Variants in BCL2 observed in about 807,000 individuals in gnomAD.
BCL2 encodes BCL2 apoptosis regulator.
In BCL2, 1 loss-of-function variant was observed where a neutral mutation model predicts 14.2. That is an observed-to-expected ratio of 0.07 (90% confidence interval 0.02 to 0.33). The LOEUF (loss-of-function observed/expected upper bound fraction) is 0.33. Among genes scored for constraint, BCL2 ranks in the 10% least tolerant of loss-of-function variants. The pLI is 0.99. For synonymous variants in BCL2, 151 were observed against 137.2 expected (o/e 1.10, Z -0.70); for missense variants, 247 against 305.9 (o/e 0.81, Z 1.44).
At chr18:63,134,358 G>A (rs928608907) in intron 2 of BCL2, among the ~76,000 whole-genome samples, 1 of 152,178 alleles carries the variant, frequency 6.6e-6, no homozygotes, top group Non-Finnish European at 1.5e-5. Context: ...ATGATGTCTA[G>A]TAGTGGGGAG....
intron 2 of BCL2, among the ~76,000 whole-genome samples, chr18:63,192,671 G>A (rs982165871): frequency 6.6e-5 from 10 of 152,192 alleles, no homozygotes; most frequent in South Asian, 2.1e-4. Context: ...GGGATACCAC[G>A]GCCACAGCAC....
chr18:63,249,709 C>CAAAA (rs11285614), intron 2 of BCL2, among the ~76,000 whole-genome samples: 26 of 52,902 alleles, frequency 4.9e-4, no homozygotes, highest in African/African-American at 1.3e-3. Context: ...GACTCCGCCT[C>CAAAA]AAAAAAAAAA....
intron 2 of BCL2, among the ~76,000 whole-genome samples, chr18:63,286,876 T>G (rs189229717): frequency 1.6e-4 from 25 of 152,228 alleles, no homozygotes; most frequent in Admixed American, 3.9e-4. Flanking sequence ...GATCTGGGTC[T>G]CCTGGGTCCC....
intron 2 of BCL2, among the ~76,000 whole-genome samples, chr18:63,312,239 C>T (rs1356210549): frequency 4.6e-5 from 7 of 152,176 alleles, no homozygotes; most frequent in Admixed American, 3.9e-4. Flanking sequence ...AGGAGCTACA[C>T]CTGAGAGGTC....
intron 2 of BCL2, among the ~76,000 whole-genome samples, chr18:63,295,685 C>G (rs1432697037): frequency 6.6e-6 from 1 of 152,088 alleles, no homozygotes; most frequent in African/African-American, 2.4e-5. Context: ...ACAGCTCTCA[C>G]CCATATCCAC....
chr18:63,175,522 A>T (rs368579506), intron 2 of BCL2, among the ~76,000 whole-genome samples: 8 of 152,226 alleles, frequency 5.3e-5, no homozygotes, highest in African/African-American at 1.9e-4. Flanking sequence ...CTGTTAGTTC[A>T]TGTAAGGTCC....
chr18:63,195,071 C>T lies in BCL2; in HGVS notation c.586-66312G>A, dbSNP rs576507722. On this transcript the variant is annotated intron_variant, in intron 2 of 2. Transcript: ENST00000333681. ...AGTCACATGGAGGGGGCATACCCAA[C>T]ATCACAGTGGATGGAAATCGACCAG... 7.9e-5 allele frequency among the ~76,000 whole-genome samples: 12 copies of T among 152,318 alleles called. No individual in the cohort carries two copies. The East Asian group carries it at 2.3e-3, about 29-fold the overall frequency.
chr18:63,141,677 G>A (rs986004305), intron 2 of BCL2, among the ~76,000 whole-genome samples: 5 of 152,222 alleles, frequency 3.3e-5, no homozygotes, highest in African/African-American at 7.2e-5. Context: ...GCAGACTGGC[G>A]TTTGGAATAG....
intron 2 of BCL2, among the ~76,000 whole-genome samples, chr18:63,236,374 G>T (rs1354737437): frequency 6.6e-6 from 1 of 150,814 alleles, no homozygotes; most frequent in African/African-American, 2.4e-5. Context: ...ATGATCATTT[G>T]ACAGATAATA....
intron 2 of BCL2, among the ~76,000 whole-genome samples, chr18:63,201,381 A>C (rs747046769): frequency 2.0e-5 from 3 of 152,202 alleles, no homozygotes; most frequent in Non-Finnish European, 4.4e-5. Flanking sequence ...CCCCTAATAG[A>C]AAGTACCTTG....
intron 2 of BCL2, among the ~76,000 whole-genome samples, chr18:63,166,097 TG>T (rs1267370507): frequency 6.6e-6 from 1 of 152,218 alleles, no homozygotes; most frequent in East Asian, 1.9e-4. Context: ...GACCAGCTGC[TG>T]GCTGGCTTCC....
intron 2 of BCL2, among the ~76,000 whole-genome samples, chr18:63,143,767 A>T (rs1026871826): frequency 6.6e-6 from 1 of 152,252 alleles, no homozygotes; most frequent in African/African-American, 2.4e-5. Flanking sequence ...CATGTGTAGC[A>T]CTGGCAGAAC....
rs1568222661 is a variant in BCL2, at chr18:63,169,365, CTT to C, written c.586-40608_586-40607del. 5.7e-5 allele frequency among the ~76,000 whole-genome samples: 3 copies of C among 52,528 alleles called. 1 individual carries two copies. Among genetic ancestry groups the C allele is most frequent in the Non-Finnish European group, 1.1e-4 (3 of 28,390 alleles). The allele number at this position is 52,528 out of a possible 152,430, so 34.5% of individuals were successfully genotyped here. ...TCTTTCTTTCTTTCTTTCTTTCTTT[CTT>C]TCTCTTTCTTTCTTTCTTTCTTTTT... On this transcript the variant is annotated intron_variant, in intron 2 of 2. Transcript: ENST00000333681.
rs116616724 is a variant in BCL2, at chr18:63,128,260, C to A, written c.*365G>T. The A allele has an allele frequency of 1.3e-4, 32 of 238,384 alleles. No individual in the cohort carries two copies. Among genetic ancestry groups the A allele is most frequent in the African/African-American group, 6.4e-4 (29 of 45,570 alleles). 14.8% of individuals were successfully genotyped at this position (238,384 alleles called of 1,614,324 possible). Reference sequence around the variant, plus strand: ...CCGGCCAACAACATGGAAAGCGAATCTATGTTTACAGGCACAGAACATCCA... The same window carrying A: ...CCGGCCAACAACATGGAAAGCGAATATATGTTTACAGGCACAGAACATCCA... On this transcript the variant is annotated 3_prime_UTR_variant, in exon 3 of 3. Transcript: ENST00000333681.
At chr18:63,191,153 C>A (rs1909281521) in intron 2 of BCL2, among the ~76,000 whole-genome samples, 1 of 152,194 alleles carries the variant, frequency 6.6e-6, no homozygotes, top group South Asian at 2.1e-4. Flanking sequence ...AATAGTACTG[C>A]AATAAACATA....
intron 2 of BCL2, among the ~76,000 whole-genome samples, chr18:63,177,880 C>A (rs1915387279): frequency 6.6e-6 from 1 of 152,146 alleles, no homozygotes. Flanking sequence ...CTCTCCGCAT[C>A]TCCAGAAAGT....
In BCL2 at chr18:63,209,733, G is replaced by A. The variant is rs971514612; in HGVS notation, c.586-80974C>T. On this transcript the variant is annotated intron_variant, in intron 2 of 2. Coordinates refer to ENST00000333681, the MANE Select transcript of BCL2 (RefSeq NM_000633.3). ...GAGAGTAGGTGAGATCTCCGAGACA[G>A]AGGAAACAGAGCGAGGAAGCTAAGA... Among the ~76,000 whole-genome samples the A allele has an allele frequency of 4.6e-5, 7 of 152,156 alleles. No individual in the cohort carries two copies. The East Asian group carries it at 9.6e-4, about 21-fold the overall frequency.
At chr18:63,267,361 T>C (rs1488924306) in intron 2 of BCL2, among the ~76,000 whole-genome samples, 1 of 152,086 alleles carries the variant, frequency 6.6e-6, no homozygotes, top group Non-Finnish European at 1.5e-5. Flanking sequence ...ATGATGAGGC[T>C]GTGAACTAAG....
intron 2 of BCL2, among the ~76,000 whole-genome samples, chr18:63,189,189 TAAAAA>T (rs34498028): frequency 7.4e-6 from 1 of 135,364 alleles, no homozygotes. Flanking sequence ...TAACAGCATA[TAAAAA>T]AAAAAAAAAA....
Sources: gnomAD v4.1 joint callset for allele counts (sites outside exome capture counted in the v4.1 genomes callset) on GRCh38, gnomAD v4.1.1 for gene constraint, MANE v1.5 for transcripts, NCBI Gene and HGNC (gene_info 2026-07-23, HGNC 2026-07-21) for gene names.